Variants in GUCY1A2 observed in about 807,000 individuals in gnomAD.
GUCY1A2 encodes the protein guanylate cyclase soluble subunit alpha-2.
A neutral mutation model predicts 63.5 loss-of-function variants in GUCY1A2; 27 were observed. That is an observed-to-expected ratio of 0.43 (90% CI 0.31 to 0.59). The LOEUF (loss-of-function observed/expected upper bound fraction) is 0.59, where lower values mean the gene tolerates loss of function less well. Among genes scored for constraint, GUCY1A2 ranks in the 20% least tolerant of loss-of-function variants. The pLI, the probability that GUCY1A2 is intolerant of heterozygous loss-of-function variation, is 0.11. For synonymous variants in GUCY1A2, 364 were observed against 343.5 expected (o/e 1.06, Z -0.66); for missense variants, 768 against 913.3 (o/e 0.84, Z 2.05).
chr11:106,747,749 CAG>C (rs1262829719), intron 6 of GUCY1A2, among the ~76,000 whole-genome samples: 11 of 152,154 alleles, frequency 7.2e-5, no homozygotes, highest in African/African-American at 2.7e-4. Flanking sequence ...TCCCATGAGA[CAG>C]ATTTACAGGA....
chr11:106,713,655 C>T (rs1011630904), intron 6 of GUCY1A2, among the ~76,000 whole-genome samples: 3 of 151,666 alleles, frequency 2.0e-5, no homozygotes, highest in Non-Finnish European at 2.9e-5. Context: ...TACAGGCGCC[C>T]GCCACCACGC....
At chr11:106,858,665 T>C (rs1039444347) in intron 4 of GUCY1A2, among the ~76,000 whole-genome samples, 2 of 152,060 alleles carry the variant, frequency 1.3e-5, no homozygotes, top group African/African-American at 4.8e-5. Context: ...ATAAGGCAGA[T>C]AAAAATGGAT....
chr11:106,714,196 G>A (rs933421387), intron 6 of GUCY1A2, among the ~76,000 whole-genome samples: 1 of 151,732 alleles, frequency 6.6e-6, no homozygotes, highest in Admixed American at 6.6e-5. Flanking sequence ...ATCCTTGAGG[G>A]GGCAGAGGGT....
intron 1 of GUCY1A2, among the ~76,000 whole-genome samples, chr11:107,010,010 G>C (rs899099759): frequency 1.3e-5 from 2 of 152,122 alleles, no homozygotes; most frequent in African/African-American, 4.8e-5. Flanking sequence ...TTTTCCTCAG[G>C]TATGTCTTGT....
chr11:106,833,015 G>A (rs775914834), intron 4 of GUCY1A2, among the ~76,000 whole-genome samples: 6 of 152,030 alleles, frequency 3.9e-5, no homozygotes, highest in Non-Finnish European at 8.8e-5. Context: ...TGGAGGCTAT[G>A]AGTCTGAGAT....
Position 106,719,976 on chromosome 11 carries a change from C to A in GUCY1A2, c.1837-11310G>T, listed in dbSNP as rs1863286030. Among the ~76,000 whole-genome samples the A allele has an allele frequency of 1.3e-5, 2 of 152,206 alleles. 1 individual carries two copies. The highest frequency in any genetic ancestry group is 4.1e-4 in the South Asian group (2 of 4,832). ...CTTCACATCCATATACACATATATA[C>A]TACTTCTTCAATTAGGAAACACAAT... On this transcript the variant is annotated intron_variant, in intron 6 of 7. Coordinates refer to ENST00000526355, the MANE Select transcript of GUCY1A2 (RefSeq NM_000855.3).
intron 4 of GUCY1A2, among the ~76,000 whole-genome samples, chr11:106,876,228 A>T (rs1859746774): frequency 6.6e-6 from 1 of 152,070 alleles, no homozygotes; most frequent in African/African-American, 2.4e-5. Context: ...TCTGAATGAG[A>T]AAAAGAAGAA....
intron 6 of GUCY1A2, among the ~76,000 whole-genome samples, chr11:106,709,355 T>A (rs1380961432): frequency 9.9e-6 from 1 of 101,230 alleles, no homozygotes; most frequent in Non-Finnish European, 1.8e-5. Context: ...TTTATATATT[T>A]TATATAATAT....
intron 6 of GUCY1A2, among the ~76,000 whole-genome samples, chr11:106,746,317 G>GA (rs1236678818): frequency 1.3e-5 from 2 of 152,160 alleles, no homozygotes; most frequent in African/African-American, 4.8e-5. Context: ...TGAAGAATGT[G>GA]AGACATACTT....
chr11:106,981,611 A>G (rs983239335), intron 2 of GUCY1A2, among the ~76,000 whole-genome samples: 2 of 152,274 alleles, frequency 1.3e-5, no homozygotes, highest in African/African-American at 4.8e-5. Flanking sequence ...TAGTTCACTG[A>G]AGAAATCTGT....
intron 3 of GUCY1A2, among the ~76,000 whole-genome samples, chr11:106,947,785 C>G (rs1027222485): frequency 6.6e-6 from 1 of 152,030 alleles, no homozygotes; most frequent in East Asian, 1.9e-4. Flanking sequence ...GAGCCTGCAT[C>G]ATACACAATT....
intron 5 of GUCY1A2, among the ~76,000 whole-genome samples, chr11:106,801,255 T>C (rs117815554): frequency 0.013 from 1,969 of 152,288 alleles, 28 homozygotes; most frequent in South Asian, 0.049. Context: ...AATTACTACA[T>C]TGAGGGCCTC....
At chr11:106,803,794 A>G (rs1004311909) in intron 5 of GUCY1A2, among the ~76,000 whole-genome samples, 8 of 152,224 alleles carry the variant, frequency 5.3e-5, no homozygotes, top group East Asian at 1.9e-4. Context: ...TGCACTCAAG[A>G]TAGCACTGGG....
At chr11:106,973,555 G>A (rs1442760017) in intron 3 of GUCY1A2, among the ~76,000 whole-genome samples, 2 of 152,040 alleles carry the variant, frequency 1.3e-5, no homozygotes, top group Non-Finnish European at 2.9e-5. Flanking sequence ...GTGACATCAT[G>A]ACGATTCTAA....
At chr11:106,845,117 G>C (rs954871143) in intron 4 of GUCY1A2, among the ~76,000 whole-genome samples, 1 of 151,554 alleles carries the variant, frequency 6.6e-6, no homozygotes, top group Non-Finnish European at 1.5e-5. Context: ...TCTCAATCCT[G>C]GCTGTACATT....
At chr11:106,927,327 C>T (rs1398604023) in intron 4 of GUCY1A2, among the ~76,000 whole-genome samples, 2 of 151,108 alleles carry the variant, frequency 1.3e-5, no homozygotes, top group Non-Finnish European at 1.5e-5. Flanking sequence ...GAGCAGAGAT[C>T]GCGCTACTGC....
chr11:106,848,224 T>C (rs1048364831), intron 4 of GUCY1A2, among the ~76,000 whole-genome samples: 1 of 145,828 alleles, frequency 6.9e-6, no homozygotes, highest in African/African-American at 2.4e-5. Flanking sequence ...ATCAACAGAA[T>C]GTATGTCAAT....
Position 106,681,288 on chromosome 11 carries a change from T to C in GUCY1A2, c.*6261A>G, listed in dbSNP as rs1862428056. The stretch of plus-strand genomic sequence containing the variant: ...GAGCTCTTTTATCTTTACTCTTTCA[T>C]CTTCCAAGACCATATCAAACCAACA... On this transcript the variant is annotated 3_prime_UTR_variant, in exon 8 of 8. Transcript: ENST00000526355. The C allele has an allele frequency of 8.9e-6, 2 of 224,368 alleles. No homozygotes were observed. Among genetic ancestry groups the C allele is most frequent in the Non-Finnish European group, 1.8e-5 (2 of 112,430 alleles). 13.9% of individuals were successfully genotyped at this position (224,368 alleles called of 1,614,324 possible). A position where few individuals can be genotyped will look rare whatever the true frequency, so the allele number is the denominator to read the frequency against.
intron 4 of GUCY1A2, chr11:106,826,688 A>T: frequency 6.2e-7 from 1 of 1,609,444 alleles, no homozygotes; most frequent in Non-Finnish European, 8.5e-7. Context: ...TCAAAGCTGA[A>T]ATCCATGTCA....
Sources: allele counts gnomAD v4.1 joint callset (sites outside exome capture counted in the v4.1 genomes callset), GRCh38; gene constraint gnomAD v4.1.1; transcripts MANE v1.5; gene names NCBI Gene and HGNC (gene_info 2026-07-23, HGNC 2026-07-21).